Variants in SIPA1L1 observed in about 807,000 individuals in gnomAD.
SIPA1L1 encodes signal-induced proliferation-associated 1-like protein 1.
A neutral mutation model predicts 162.7 loss-of-function variants in SIPA1L1; 26 were observed. That is an observed-to-expected ratio of 0.16 (90% CI 0.12 to 0.22). The LOEUF (loss-of-function observed/expected upper bound fraction) is 0.22, where lower values mean the gene tolerates loss of function less well. Among genes scored for constraint, SIPA1L1 ranks in the 10% least tolerant of loss-of-function variants. The pLI, the probability that SIPA1L1 is intolerant of heterozygous loss-of-function variation, is 1.00. For missense variants in SIPA1L1, 1,874 were observed against 2,241.0 expected, an observed-to-expected ratio of 0.84 and a Z score of 3.31; for synonymous variants, 829 against 837.4, an observed-to-expected ratio of 0.99 and a Z score of 0.17.
intron 4 of SIPA1L1, among the ~76,000 whole-genome samples, chr14:71,576,272 C>T (rs777336384): frequency 2.0e-5 from 3 of 152,096 alleles, no homozygotes; most frequent in African/African-American, 4.8e-5. Flanking sequence ...ATCAGACTCT[C>T]GAGCAGTGAC....
chr14:71,515,048 T>G (rs2051567513), intron 3 of SIPA1L1, among the ~76,000 whole-genome samples: 1 of 152,234 alleles, frequency 6.6e-6, no homozygotes, highest in Non-Finnish European at 1.5e-5. Flanking sequence ...TCCCCCATTT[T>G]GAGTAGTTAA....
intron 2 of SIPA1L1, among the ~76,000 whole-genome samples, chr14:71,453,397 A>G (rs2045960954): frequency 6.6e-6 from 1 of 152,144 alleles, no homozygotes; most frequent in Non-Finnish European, 1.5e-5. Context: ...CTAAATAGCT[A>G]GGACTGCAGG....
chr14:71,381,016 G>A (rs749270310), intron 2 of SIPA1L1, among the ~76,000 whole-genome samples: 2 of 152,136 alleles, frequency 1.3e-5, no homozygotes, highest in Non-Finnish European at 1.5e-5. Flanking sequence ...AGTGCAATTG[G>A]CATTTGTACA....
At chr14:71,688,172 G>A (rs1193583092) in intron 13 of SIPA1L1, among the ~76,000 whole-genome samples, 1 of 152,102 alleles carries the variant, frequency 6.6e-6, no homozygotes, top group Non-Finnish European at 1.5e-5. Flanking sequence ...ATAAAGAGAA[G>A]GTACTATAGA....
chr14:71,559,153 C>T (rs1259046837), intron 4 of SIPA1L1, among the ~76,000 whole-genome samples: 8 of 151,756 alleles, frequency 5.3e-5, no homozygotes, highest in East Asian at 1.9e-4. Flanking sequence ...TTGCAACCTC[C>T]GCCTCCCTGG....
intron 7 of SIPA1L1, among the ~76,000 whole-genome samples, chr14:71,648,302 A>G (rs1255830120): frequency 6.6e-6 from 1 of 152,004 alleles, no homozygotes; most frequent in Non-Finnish European, 1.5e-5. Context: ...TCTCAAAAAT[A>G]TATATATATA....
At chr14:71,446,951 T>C (rs2045448011) in intron 2 of SIPA1L1, among the ~76,000 whole-genome samples, 2 of 141,120 alleles carry the variant, frequency 1.4e-5, no homozygotes, top group Non-Finnish European at 3.0e-5. Flanking sequence ...TTGCTTTGTT[T>C]CCCAGGCTGG....
chr14:71,400,428 T>C (rs17767493), intron 2 of SIPA1L1, among the ~76,000 whole-genome samples: 2,338 of 152,266 alleles, frequency 0.015, 34 homozygotes, highest in Admixed American at 0.059. Context: ...TATCCTATCA[T>C]ATGGCACTTT....
intron 2 of SIPA1L1, among the ~76,000 whole-genome samples, chr14:71,404,655 A>G (rs2041917655): frequency 6.6e-6 from 1 of 152,234 alleles, no homozygotes; most frequent in Non-Finnish European, 1.5e-5. Flanking sequence ...GACCAGCCTA[A>G]CAGTAGGCAT....
intron 2 of SIPA1L1, among the ~76,000 whole-genome samples, chr14:71,423,791 G>A (rs2043362169): frequency 6.6e-6 from 1 of 151,904 alleles, no homozygotes; most frequent in South Asian, 2.1e-4. Flanking sequence ...GGCTATTTGG[G>A]TCCCCTAACA....
chr14:71,495,755 C>G (rs540007151), intron 2 of SIPA1L1, among the ~76,000 whole-genome samples: 12 of 151,420 alleles, frequency 7.9e-5, no homozygotes, highest in African/African-American at 2.9e-4. Context: ...AAGTTTAAAG[C>G]TATAAAATTC....
At chr14:71,561,490 A>G (rs993955271) in intron 4 of SIPA1L1, among the ~76,000 whole-genome samples, 4 of 152,218 alleles carry the variant, frequency 2.6e-5, no homozygotes, top group African/African-American at 9.6e-5. Flanking sequence ...TTTTCTGTCA[A>G]TTTCCCCAGC....
At chr14:71,591,130 G>A (rs891108650) in intron 5 of SIPA1L1, among the ~76,000 whole-genome samples, 1 of 151,966 alleles carries the variant, frequency 6.6e-6, no homozygotes, top group African/African-American at 2.4e-5. Flanking sequence ...GTAATAATGG[G>A]TACTTTTTTC....
chr14:71,373,698 A>T (rs2039109521), intron 2 of SIPA1L1, among the ~76,000 whole-genome samples: 1 of 151,714 alleles, frequency 6.6e-6, no homozygotes, highest in Non-Finnish European at 1.5e-5. Context: ...AAAAATGTAT[A>T]TACTTTTCAA....
At chr14:71,329,002 A>G (rs1022196141) in intron 2 of SIPA1L1, among the ~76,000 whole-genome samples, 1 of 152,152 alleles carries the variant, frequency 6.6e-6, no homozygotes, top group Admixed American at 6.5e-5. Context: ...ACTTTAGGTA[A>G]CCTCATATAA....
chr14:71,671,921 G>A (rs998592599), intron 11 of SIPA1L1, among the ~76,000 whole-genome samples: 32 of 151,870 alleles, frequency 2.1e-4, no homozygotes, highest in African/African-American at 7.0e-4. Flanking sequence ...GTGTGTGTGT[G>A]TGTGTGTGTG....
intron 7 of SIPA1L1, among the ~76,000 whole-genome samples, chr14:71,639,053 C>G (rs2041441203): frequency 6.6e-6 from 1 of 152,128 alleles, no homozygotes; most frequent in Non-Finnish European, 1.5e-5. Flanking sequence ...CTTGGGCATG[C>G]ATCTAACAAA....
At chr14:71,344,190 G>A (rs2035930375) in intron 2 of SIPA1L1, among the ~76,000 whole-genome samples, 1 of 152,150 alleles carries the variant, frequency 6.6e-6, no homozygotes, top group South Asian at 2.1e-4. Flanking sequence ...GGATTTAATT[G>A]CTTGTTTACA....
chr14:71,630,411 C>T (rs1279716964), intron 7 of SIPA1L1, among the ~76,000 whole-genome samples: 1 of 152,148 alleles, frequency 6.6e-6, no homozygotes, highest in Non-Finnish European at 1.5e-5. Context: ...GGACTGATAG[C>T]ATTAGCATTT....
Sources: gnomAD v4.1 joint callset for allele counts (sites outside exome capture counted in the v4.1 genomes callset) on GRCh38, gnomAD v4.1.1 for gene constraint, MANE v1.5 for transcripts, NCBI Gene and HGNC (gene_info 2026-07-23, HGNC 2026-07-21) for gene names.